The following ARHGAP29 variants were observed in gnomAD, a reference collection of about 807,000 sequenced individuals.
ARHGAP29 encodes the protein rho GTPase-activating protein 29.
A neutral mutation model predicts 122.6 loss-of-function variants in ARHGAP29; 43 were observed. That is an observed-to-expected ratio of 0.35 (90% CI 0.27 to 0.45). ARHGAP29 has a LOEUF of 0.45. Ranked by LOEUF, ARHGAP29 falls within the 20% of genes least tolerant of loss-of-function variation. The probability of loss-of-function intolerance (pLI) is 1.00; values close to 1 mark genes in which losing one functional copy is unlikely to be tolerated. For missense variants in ARHGAP29, 1,303 were observed against 1,477.2 expected, an observed-to-expected ratio of 0.88 and a Z score of 1.93; for synonymous variants, 506 against 497.1, an observed-to-expected ratio of 1.02 and a Z score of -0.24.
intron 7 of ARHGAP29, 71 bp from the exon 8 acceptor site, chr1:94,204,065 T>C: frequency 1.7e-6 from 2 of 1,199,738 alleles, no homozygotes; most frequent in Non-Finnish European, 2.4e-6. Flanking sequence ...CTAAAATTAC[T>C]TGTAGTAATT....
Position 94,174,227 on chromosome 1 carries a change from G to A in ARHGAP29, c.3428C>T (p.Ser1143Phe). 1.9e-6 allele frequency: 3 copies of A among 1,614,208 alleles called. No homozygotes were observed. The highest frequency in any genetic ancestry group is 2.2e-5 in the South Asian group (2 of 91,088). The part of the protein sequence containing the change: ...RSVREASERR[S>F]SDSYPLAPVR... ...AGGAGCGAGAGGGTAGGAATCTGAA[G>A]ACCGTCTCTCAGATGCCTCTCTCAC... The change falls in exon 23 of 23, where the codon TCT (serine) becomes TTT (phenylalanine). Residue 1143 changes from serine to phenylalanine, a missense_variant. Coordinates refer to ENST00000260526, the MANE Select transcript of ARHGAP29 (RefSeq NM_004815.4).
intron 1 of ARHGAP29, among the ~76,000 whole-genome samples, chr1:94,256,347 G>T: frequency 6.6e-6 from 1 of 151,912 alleles, no homozygotes; most frequent in East Asian, 1.9e-4. Context: ...AATATTACAT[G>T]AATAAACACT....
At chr1:94,260,782 C>T (rs377503767) in intron 1 of ARHGAP29, among the ~76,000 whole-genome samples, 303 of 152,228 alleles carry the variant, frequency 2.0e-3, no homozygotes, top group African/African-American at 7.1e-3. Flanking sequence ...CAAACAGAGA[C>T]AAGAACAGCT....
chr1:94,252,203 T>C (rs1403932823), intron 1 of ARHGAP29, among the ~76,000 whole-genome samples: 1 of 152,240 alleles, frequency 6.6e-6, no homozygotes, highest in Non-Finnish European at 1.5e-5. Flanking sequence ...ACAAGTTTCA[T>C]GACTTCACCA....
At chr1:94,237,380 C>G (rs899909048) in intron 1 of ARHGAP29, 35 bp downstream of exon 1, 1 of 984,388 alleles carries the variant, frequency 1.0e-6, no homozygotes, top group African/African-American at 1.7e-5. Flanking sequence ...CCACGACCGC[C>G]GCGGCCGGAG....
At chr1:94,312,009 A>G in the ARHGAP29 span, among the ~76,000 whole-genome samples, 10 of 152,218 alleles carry the variant, frequency 6.6e-5, no homozygotes, top group African/African-American at 2.4e-4. Context: ...AGATAAACAT[A>G]CAAATGTACT....
chr1:94,302,408 C>T, the ARHGAP29 span: 145 of 358,180 alleles, frequency 4.0e-4, 2 homozygotes, highest in South Asian at 2.6e-3. Flanking sequence ...GATGCCCCCA[C>T]GTTCGTGATG....
chr1:94,185,196 A>G, intron 17 of ARHGAP29, 136 bp from the exon 18 acceptor site: 1 of 1,215,516 alleles, frequency 8.2e-7, no homozygotes, highest in Non-Finnish European at 1.1e-6. Flanking sequence ...TTTAACAACA[A>G]AATAAAATAT....
At chr1:94,279,555 G>A (rs530214137), upstream of ARHGAP29, among the ~76,000 whole-genome samples, 14 of 152,208 alleles carry the variant, frequency 9.2e-5, no homozygotes, top group Non-Finnish European at 1.9e-4. Context: ...GTAGAATGGA[G>A]CTCCATGAAG....
chr1:94,263,408 G>T (rs1654637848), intron 1 of ARHGAP29, among the ~76,000 whole-genome samples: 1 of 150,860 alleles, frequency 6.6e-6, no homozygotes, highest in Non-Finnish European at 1.5e-5. Flanking sequence ...AAAAAAAAAG[G>T]TTTGGGGTCT....
intron 20 of ARHGAP29, 122 bp downstream of exon 20, chr1:94,179,592 CAAAAAAAAAAA>C: frequency 9.1e-6 from 2 of 219,896 alleles, no homozygotes; most frequent in South Asian, 4.1e-5. Context: ...GACTCTGTCT[CAAAAAAAAAAA>C]AAAAAAAAAA....
intron 3 of ARHGAP29, among the ~76,000 whole-genome samples, chr1:94,217,529 CAA>C (rs11297785): frequency 8.3e-4 from 106 of 127,672 alleles, no homozygotes; most frequent in Middle Eastern, 8.0e-3. Flanking sequence ...GACACCGTCT[CAA>C]AAAAAAAAAA....
intron 1 of ARHGAP29, among the ~76,000 whole-genome samples, chr1:94,244,451 C>T (rs1025401237): frequency 4.6e-5 from 7 of 151,846 alleles, no homozygotes; most frequent in East Asian, 3.9e-4. Flanking sequence ...CAGTCAACAA[C>T]GTAGGAATAG....
the ARHGAP29 span, among the ~76,000 whole-genome samples, chr1:94,283,093 A>C: frequency 6.6e-6 from 1 of 152,214 alleles, no homozygotes. Context: ...TAAGGAAAAA[A>C]AATACATAAA....
chr1:94,242,946 A>T (rs902752023), intron 1 of ARHGAP29, among the ~76,000 whole-genome samples: 1 of 152,144 alleles, frequency 6.6e-6, no homozygotes, highest in Non-Finnish European at 1.5e-5. Flanking sequence ...AATTTTACCA[A>T]GGATAAAAAG....
At chr1:94,216,270 T>C (rs183408463) in intron 3 of ARHGAP29, among the ~76,000 whole-genome samples, 20 of 152,328 alleles carry the variant, frequency 1.3e-4, no homozygotes, top group African/African-American at 3.1e-4. Flanking sequence ...AAATAAATTA[T>C]AGTACATCAA....
At chr1:94,231,819 A>G (rs572005240) in intron 1 of ARHGAP29, among the ~76,000 whole-genome samples, 176 bp from the exon 2 acceptor site, 1 of 152,152 alleles carries the variant, frequency 6.6e-6, no homozygotes, top group Non-Finnish European at 1.5e-5. Flanking sequence ...TGTATTATTG[A>G]TAATAGCAGT....
At chr1:94,274,920 G>A (rs887779884) in intron 1 of ARHGAP29, 52 of 152,210 alleles carry the variant, frequency 3.4e-4, no homozygotes, top group African/African-American at 1.2e-3. Context: ...TCACCAGTTC[G>A]TTTTTAAGGG....
chr1:94,224,684 T>C (rs1009436711), intron 2 of ARHGAP29, among the ~76,000 whole-genome samples: 1 of 152,190 alleles, frequency 6.6e-6, no homozygotes, highest in African/African-American at 2.4e-5. Context: ...GTCCCTGCTA[T>C]AGTTTTTCTT....
Sources: allele counts gnomAD v4.1 joint callset (sites outside exome capture counted in the v4.1 genomes callset), GRCh38; gene constraint gnomAD v4.1.1; transcripts MANE v1.5; gene names NCBI Gene and HGNC (gene_info 2026-07-23, HGNC 2026-07-21).